The following DNAH11 variants were observed in gnomAD, a reference collection of about 807,000 sequenced individuals.
The protein encoded by DNAH11 is dynein axonemal heavy chain 11.
DNAH11 carries 442 observed loss-of-function variants against 526.0 expected under a neutral mutation model. The ratio of observed to expected loss-of-function variants is 0.84; its 90% CI spans 0.78 to 0.91. The LOEUF is 0.91. Among genes scored for constraint, DNAH11 ranks in the 40% least tolerant of loss-of-function variants. DNAH11 has a pLI of 0.00. For synonymous variants in DNAH11, 2,461 were observed against 1,935.9 expected (o/e 1.27, Z -7.12); for missense variants, 6,989 against 5,448.7 (o/e 1.28, Z -8.90).
chr7:21,709,632 C>G (rs1262636067), intron 40 of DNAH11, among the ~76,000 whole-genome samples: 4 of 152,200 alleles, frequency 2.6e-5, no homozygotes, highest in Admixed American at 2.0e-4. Flanking sequence ...TCATCATTCT[C>G]TATCCTCTCG....
chr7:21,737,780 A>G (rs928601435), intron 46 of DNAH11, among the ~76,000 whole-genome samples: 1 of 152,146 alleles, frequency 6.6e-6, no homozygotes, highest in African/African-American at 2.4e-5. Flanking sequence ...AAAAGGAAAG[A>G]GGTGAATTGC....
chr7:21,624,985 G>C lies in DNAH11; in HGVS notation c.4500+4907G>C, dbSNP rs577102499. ...TAATGTATGTTCATCAGGGATATTG[G>C]CTTCTAATTTTCTTTACTTGTGGTG... On this transcript the variant is annotated intron_variant, in intron 25 of 81. Transcript: ENST00000409508. 2.6e-5 allele frequency among the ~76,000 whole-genome samples: 4 copies of C among 151,934 alleles called. No homozygotes were observed. In the South Asian group the frequency reaches 8.3e-4, roughly 32 times the overall value.
chr7:21,635,227 G>A (rs900527473), intron 25 of DNAH11, among the ~76,000 whole-genome samples: 4 of 152,210 alleles, frequency 2.6e-5, no homozygotes, highest in African/African-American at 9.6e-5. Flanking sequence ...CGTGATCTCA[G>A]CTCACTGCAA....
In DNAH11 at chr7:21,753,958, C is replaced by T. The variant is rs145545037; in HGVS notation, c.8940+3594C>T. 2.0e-3 allele frequency among the ~76,000 whole-genome samples: 306 copies of T among 152,152 alleles called. 1 individual carries two copies. In the Middle Eastern group the frequency reaches 0.02, roughly 10 times the overall value. ...AGAAGGATTTCGTAAAGTTTTGTAACGGTGTATTATTTGTATATAGGAGAG... is the reference window on the plus strand; with the variant it reads ...AGAAGGATTTCGTAAAGTTTTGTAATGGTGTATTATTTGTATATAGGAGAG... On this transcript the variant is annotated intron_variant, in intron 54 of 81. Transcript: ENST00000409508.
chr7:21,788,693 G>A (rs1788300723), intron 60 of DNAH11, among the ~76,000 whole-genome samples: 1 of 152,066 alleles, frequency 6.6e-6, no homozygotes, highest in Admixed American at 6.5e-5. Context: ...ATGTTGTGTG[G>A]ATATCTCCCA....
At chr7:21,610,682 T>G (rs1315259551) in intron 20 of DNAH11, among the ~76,000 whole-genome samples, 1 of 151,530 alleles carries the variant, frequency 6.6e-6, no homozygotes, top group Non-Finnish European at 1.5e-5. Flanking sequence ...AAGGGCCAGA[T>G]ACTTACAGAA....
At position 21,615,131 on chromosome 7, in the gene DNAH11, G is replaced by C. The variant is rs200954442; in HGVS notation, c.3870G>C (p.Glu1290Asp). ...CTCCTTAGGCAAATGAAGAGCTTGA[G>C]GCCTTAGAAGAAGAAATGTTGCAGA... is the stretch of plus-strand genomic sequence containing the variant. ...TALDKANEEL[E>D]ALEEEMLQMQ... The change falls in exon 21 of 82, where the codon GAG (glutamate) becomes GAC (aspartate). Residue 1290 changes from glutamate (E) to aspartate (D), a missense_variant. Physicochemically the swap from Glu to Asp is conservative, Grantham distance 45. Transcript: ENST00000409508. The C allele has an allele frequency of 2.9e-4, 471 of 1,611,776 alleles. No individual in the cohort carries two copies. In the African/African-American group the frequency reaches 5.3e-3, roughly 18 times the overall value.
intron 14 of DNAH11, among the ~76,000 whole-genome samples, chr7:21,595,028 T>C (rs1784814931): frequency 6.6e-6 from 1 of 152,196 alleles, no homozygotes; most frequent in African/African-American, 2.4e-5. Context: ...CCATTCTTAC[T>C]AGTAATCTAG....
At chr7:21,566,025 G>C (rs1179264832) in intron 6 of DNAH11, among the ~76,000 whole-genome samples, 1 of 152,098 alleles carries the variant, frequency 6.6e-6, no homozygotes, top group Non-Finnish European at 1.5e-5. Context: ...CACAATCCCT[G>C]TTGCAGGGCC....
chr7:21,588,400 A>G (rs951250610), intron 10 of DNAH11, 112 bp from the exon 11 acceptor site: 20 of 1,401,644 alleles, frequency 1.4e-5, no homozygotes, highest in South Asian at 6.7e-5. Context: ...GATTAAACAC[A>G]TATGTTTTAT....
chr7:21,721,690 C>A (rs1784879850), intron 44 of DNAH11, among the ~76,000 whole-genome samples: 1 of 152,156 alleles, frequency 6.6e-6, no homozygotes, highest in Admixed American at 6.5e-5. Context: ...TCATCTAAAT[C>A]TAATTATGTC....
chr7:21,773,899 CA>C lies in DNAH11; in HGVS notation c.9237del (p.Leu3080CysfsTer6). On this transcript the variant is annotated frameshift_variant, in exon 56 of 82. Coordinates refer to ENST00000409508, the MANE Select transcript of DNAH11 (RefSeq NM_001277115.2). LOFTEE classifies it high-confidence loss of function. The part of the protein sequence containing the change: ...TTPKSFLEQI[S>X]LFKNLLKKKQ... Reference sequence around the variant, plus strand: ...CCAAAGAGTTTTCTAGAACAAATATCACTGTTTAAGAACCTGTTGAAGAAGA... The same window carrying C: ...CCAAAGAGTTTTCTAGAACAAATATCCTGTTTAAGAACCTGTTGAAGAAGA... 1.2e-6 allele frequency: 2 copies of C among 1,603,480 alleles called. No individual in the cohort carries two copies. Among genetic ancestry groups the C allele is most frequent in the Non-Finnish European group, 1.7e-6 (2 of 1,174,788 alleles).
Position 21,683,949 on chromosome 7 carries a change from C to G in DNAH11, c.5621+5C>G, listed in dbSNP as rs1783254776. On this transcript the variant is annotated splice_donor_5th_base_variant and intron_variant, in intron 32 of 81. Coordinates refer to ENST00000409508, the MANE Select transcript of DNAH11 (RefSeq NM_001277115.2). Reference sequence around the variant, plus strand: ...GATCACTCCTCTAACTGACAGGTAACAATTCAAAGTTTCCGTCCAGATAGG... The same window carrying G: ...GATCACTCCTCTAACTGACAGGTAAGAATTCAAAGTTTCCGTCCAGATAGG... 6.2e-7 allele frequency: 1 copy of G among 1,611,776 alleles called. No individual in the cohort carries two copies. The highest frequency in any genetic ancestry group is 8.5e-7 in the Non-Finnish European group (1 of 1,178,868).
At chr7:21,568,751 CT>C (rs1783769032) in intron 6 of DNAH11, among the ~76,000 whole-genome samples, 1 of 152,128 alleles carries the variant, frequency 6.6e-6, no homozygotes, top group African/African-American at 2.4e-5. Flanking sequence ...TAACAGGGGG[CT>C]GCTGAAGCAG....
intron 65 of DNAH11, among the ~76,000 whole-genome samples, chr7:21,834,788 T>C (rs1197164687): frequency 6.6e-6 from 1 of 152,138 alleles, no homozygotes; most frequent in South Asian, 2.1e-4. Flanking sequence ...AAGGTTGCAG[T>C]GAGCTATGAT....
chr7:21,571,088 T>G (rs1014336328), intron 7 of DNAH11, among the ~76,000 whole-genome samples: 2 of 152,150 alleles, frequency 1.3e-5, no homozygotes, highest in Admixed American at 6.5e-5. Context: ...GAAGGGCAGC[T>G]TACATATGCC....
At chr7:21,613,029 C>A (rs1046515428) in intron 20 of DNAH11, among the ~76,000 whole-genome samples, 1 of 151,846 alleles carries the variant, frequency 6.6e-6, no homozygotes, top group African/African-American at 2.4e-5. Context: ...AAATACTATA[C>A]GATAGGGAAC....
chr7:21,711,800 C>T lies in DNAH11; in HGVS notation c.6923C>T (p.Pro2308Leu), dbSNP rs376475480. The T allele has an allele frequency of 4.9e-5, 79 of 1,613,732 alleles. No homozygotes were observed. The highest frequency in any genetic ancestry group is 6.4e-5 in the Non-Finnish European group (75 of 1,179,818). Residue 2308 changes from proline (P) to leucine (L), a missense_variant, in exon 42 of 82, where the codon CCG (proline) becomes CTG (leucine). Physicochemically the swap from Pro to Leu is moderately conservative, Grantham distance 98. Transcript: ENST00000409508. The stretch of plus-strand genomic sequence containing the variant: ...ATACATCACTTAAGGAGCGCAACCC[C>T]GGCCACTGTTTCCAGAGCTGGTATT... ...FEIHHLRSAT[P>L]ATVSRAGILY...
rs1060503065 is a variant in DNAH11 at position 21,748,689 on chromosome 7, C to T, written c.8620C>T (p.Leu2874Phe). ...CAGGCTGGCAGCTTACCTTCGTGGCCTTGAGGTCTTTCAGATCACTCTGAC... is the reference window on the plus strand; with the variant it reads ...CAGGCTGGCAGCTTACCTTCGTGGCTTTGAGGTCTTTCAGATCACTCTGAC... ...LSRLAAYLRG[L>F]EVFQITLTEG... is the part of the protein sequence containing the mutation. Residue 2874 changes from leucine to phenylalanine, a missense_variant, in exon 52 of 82, where the codon CTT becomes TTT. Physicochemically the swap from Leu to Phe is conservative, Grantham distance 22. Coordinates refer to ENST00000409508, the MANE Select transcript of DNAH11 (RefSeq NM_001277115.2). 6.2e-7 allele frequency: 1 copy of T among 1,613,588 alleles called. No homozygotes were observed.
Sources: allele counts gnomAD v4.1 joint callset (sites outside exome capture counted in the v4.1 genomes callset), GRCh38; gene constraint gnomAD v4.1.1; transcripts MANE v1.5; gene names NCBI Gene and HGNC (gene_info 2026-07-23, HGNC 2026-07-21).